The following SNTG2 variants were observed in gnomAD, a reference collection of about 807,000 sequenced individuals.
SNTG2 encodes gamma-2-syntrophin.
Under a neutral mutation model 70.9 loss-of-function variants are expected in SNTG2, and 74 were observed. That is an observed-to-expected ratio of 1.04 (90% CI 0.86 to 1.27). The LOEUF (loss-of-function observed/expected upper bound fraction) is 1.27, where lower values mean the gene tolerates loss of function less well. Among genes scored for constraint, SNTG2 ranks in the 50% most tolerant of loss-of-function variants. The probability of loss-of-function intolerance (pLI) is 0.00; values close to 1 mark genes in which losing one functional copy is unlikely to be tolerated. For missense variants in SNTG2, 717 were observed against 690.7 expected, an observed-to-expected ratio of 1.04 and a Z score of -0.43; for synonymous variants, 278 against 273.8, an observed-to-expected ratio of 1.02 and a Z score of -0.15.
chr2:1,302,632 C>G (rs577375603), intron 14 of SNTG2, among the ~76,000 whole-genome samples: 2 of 151,022 alleles, frequency 1.3e-5, no homozygotes, highest in South Asian at 4.2e-4. Context: ...AAATATCAGT[C>G]TTCAGCCCTA....
chr2:1,005,828 T>TTAACGTTG (rs1558306120), intron 1 of SNTG2, among the ~76,000 whole-genome samples: 1 of 31,112 alleles, frequency 3.2e-5, no homozygotes, highest in Non-Finnish European at 7.5e-5. Context: ...TATATATATA[T>TTAACGTTG]ATATATATAT....
intron 6 of SNTG2, among the ~76,000 whole-genome samples, chr2:1,147,329 G>A (rs1293544439): frequency 6.6e-6 from 1 of 152,148 alleles, no homozygotes; most frequent in Admixed American, 6.5e-5. Flanking sequence ...TTGAGTCAGT[G>A]GGCTGGGAAA....
chr2:1,259,323 T>C, intron 12 of SNTG2, 47 bp from the exon 13 acceptor site: 1 of 1,583,510 alleles, frequency 6.3e-7, no homozygotes, highest in African/African-American at 1.3e-5. Flanking sequence ...ATTTTTCAAC[T>C]AAAAGTAGCA....
At chr2:1,089,893 A>G (rs2148188988) in intron 2 of SNTG2, among the ~76,000 whole-genome samples, 1 of 152,348 alleles carries the variant, frequency 6.6e-6, no homozygotes, top group Non-Finnish European at 1.5e-5. Flanking sequence ...CCAACATAGC[A>G]CTAGATTGCT....
At chr2:1,187,161 C>T (rs1215861980) in intron 8 of SNTG2, among the ~76,000 whole-genome samples, 2 of 152,156 alleles carry the variant, frequency 1.3e-5, no homozygotes, top group African/African-American at 2.4e-5. Flanking sequence ...TAAAAATTTA[C>T]AGCATATGAA....
intron 1 of SNTG2, among the ~76,000 whole-genome samples, chr2:1,081,005 A>T (rs1664252554): frequency 6.6e-6 from 1 of 151,948 alleles, no homozygotes; most frequent in Non-Finnish European, 1.5e-5. Flanking sequence ...GAGCGTGAGA[A>T]CCATGGCCCC....
In SNTG2 at chr2:1,083,185, T is replaced by A. The variant is rs63641060; in HGVS notation, c.73-333T>A. Among the ~76,000 whole-genome samples, 346 of 94,152 alleles carry A rather than the reference T, an allele frequency of 3.7e-3. 1 individual carries two copies. Among genetic ancestry groups the A allele is most frequent in the Non-Finnish European group, 4.3e-3 (183 of 42,844 alleles). The allele number at this position is 94,152 out of a possible 152,430, so 61.8% of individuals were successfully genotyped here. On this transcript the variant is annotated intron_variant, in intron 1 of 16. Coordinates refer to ENST00000308624, the MANE Select transcript of SNTG2 (RefSeq NM_018968.4). ...AATAACTTTAGTTAAACTAAAAAAA[T>A]ATATATATATATATTTGGAAGTGGG...
intron 4 of SNTG2, among the ~76,000 whole-genome samples, chr2:1,129,527 A>G (rs1667896350): frequency 6.6e-6 from 1 of 152,266 alleles, no homozygotes; most frequent in Non-Finnish European, 1.5e-5. Flanking sequence ...GAGACAAACC[A>G]TAGAGCCAAA....
intron 8 of SNTG2, among the ~76,000 whole-genome samples, chr2:1,204,979 AATT>A (rs1450888249): frequency 6.6e-6 from 1 of 152,196 alleles, no homozygotes; most frequent in African/African-American, 2.4e-5. Context: ...TGTCTTTAAA[AATT>A]ATTATGTGCA....
chr2:1,191,194 C>T (rs931118773), intron 8 of SNTG2, among the ~76,000 whole-genome samples: 6 of 152,152 alleles, frequency 3.9e-5, no homozygotes, highest in Non-Finnish European at 1.5e-5. Flanking sequence ...CAATTTCTCC[C>T]TTATCATATC....
chr2:1,286,397 T>G (rs888884172), intron 14 of SNTG2, among the ~76,000 whole-genome samples: 2 of 152,206 alleles, frequency 1.3e-5, no homozygotes, highest in Non-Finnish European at 2.9e-5. Flanking sequence ...GCATTGTGAC[T>G]TCAAAAGGCC....
chr2:998,270 C>G (rs73908643), intron 1 of SNTG2, among the ~76,000 whole-genome samples: 13,162 of 152,048 alleles, frequency 0.087, 756 homozygotes, highest in South Asian at 0.21. Flanking sequence ...CCAAATATCA[C>G]ACTAATTCTC....
At chr2:1,187,395 A>C (rs1360948605) in intron 8 of SNTG2, among the ~76,000 whole-genome samples, 1 of 152,240 alleles carries the variant, frequency 6.6e-6, no homozygotes, top group African/African-American at 2.4e-5. Flanking sequence ...AGGCCTTAAA[A>C]CAAAAGGGTG....
intron 1 of SNTG2, among the ~76,000 whole-genome samples, chr2:982,619 A>G (rs1355141624): frequency 6.6e-6 from 1 of 152,192 alleles, no homozygotes; most frequent in African/African-American, 2.4e-5. Flanking sequence ...TACCATGAAC[A>G]CCCTTCATAT....
At chr2:1,032,988 T>C (rs1019668635) in intron 1 of SNTG2, among the ~76,000 whole-genome samples, 1 of 152,280 alleles carries the variant, frequency 6.6e-6, no homozygotes, top group South Asian at 2.1e-4. Context: ...TCATGTCACA[T>C]GGTGGGAATG....
At chr2:1,105,724 C>T (rs1166672629) in intron 4 of SNTG2, among the ~76,000 whole-genome samples, 1 of 152,206 alleles carries the variant, frequency 6.6e-6, no homozygotes, top group Non-Finnish European at 1.5e-5. Context: ...GCCCAGAAAT[C>T]ATCCACGACT....
At chr2:1,308,846 G>C (rs1680837181) in intron 15 of SNTG2, among the ~76,000 whole-genome samples, 1 of 152,148 alleles carries the variant, frequency 6.6e-6, no homozygotes, top group Admixed American at 6.5e-5. Flanking sequence ...CTGCTGCTAA[G>C]GAGGGACCCA....
At chr2:1,144,329 TA>T (rs1186123306) in intron 6 of SNTG2, among the ~76,000 whole-genome samples, 2 of 152,040 alleles carry the variant, frequency 1.3e-5, no homozygotes, top group Non-Finnish European at 2.9e-5. Context: ...AGAAAGGACA[TA>T]ACAAATTTCA....
At chr2:1,043,517 C>A (rs1237972814) in intron 1 of SNTG2, among the ~76,000 whole-genome samples, 1 of 152,022 alleles carries the variant, frequency 6.6e-6, no homozygotes, top group African/African-American at 2.4e-5. Flanking sequence ...AATAGTATTT[C>A]CAAGTTTCTT....
Sources: gnomAD v4.1 joint callset for allele counts (sites outside exome capture counted in the v4.1 genomes callset) on GRCh38, gnomAD v4.1.1 for gene constraint, MANE v1.5 for transcripts, NCBI Gene and HGNC (gene_info 2026-07-23, HGNC 2026-07-21) for gene names.